Variants in FRMD3 observed in about 807,000 individuals in gnomAD.
The protein encoded by FRMD3 is FERM domain-containing protein 3.
A neutral mutation model predicts 70.2 loss-of-function variants in FRMD3; 33 were observed. That is an observed-to-expected ratio of 0.47 (90% CI 0.36 to 0.63). The LOEUF is 0.63. Among genes scored for constraint, FRMD3 ranks in the 20% least tolerant of loss-of-function variants. The pLI, the probability that FRMD3 is intolerant of heterozygous loss-of-function variation, is 0.00. For synonymous variants in FRMD3, 279 were observed against 255.9 expected, an observed-to-expected ratio of 1.09 and a Z score of -0.86; for missense variants, 632 against 711.4, an observed-to-expected ratio of 0.89 and a Z score of 1.27.
intron 5 of FRMD3, among the ~76,000 whole-genome samples, chr9:83,336,175 G>A (rs1391164672): frequency 2.0e-5 from 3 of 152,056 alleles, no homozygotes; most frequent in Non-Finnish European, 4.4e-5. Flanking sequence ...ATCCCTGAGA[G>A]GGTAGCTTTT....
intron 1 of FRMD3, among the ~76,000 whole-genome samples, chr9:83,403,260 A>G (rs751630558): frequency 1.3e-5 from 2 of 152,098 alleles, no homozygotes; most frequent in Non-Finnish European, 1.5e-5. Context: ...CCCATAAGGC[A>G]CTATCTTTTC....
intron 11 of FRMD3, 107 bp downstream of exon 11, chr9:83,299,005 T>TCAAA (rs1305409402): frequency 1.0e-6 from 1 of 981,812 alleles, no homozygotes; most frequent in African/African-American, 1.6e-5. Context: ...AATGGAAGAC[T>TCAAA]CAAACAGAGG....
chr9:83,550,298 G>T, the FRMD3 span, among the ~76,000 whole-genome samples: 1 of 151,984 alleles, frequency 6.6e-6, no homozygotes, highest in Non-Finnish European at 1.5e-5. Flanking sequence ...CTGTTCCATT[G>T]GTCTATGTCC....
intron 1 of FRMD3, among the ~76,000 whole-genome samples, chr9:83,523,321 GAATA>G (rs1354804409): frequency 6.6e-6 from 1 of 152,108 alleles, no homozygotes; most frequent in East Asian, 1.9e-4. Context: ...TTAGATGGAT[GAATA>G]GATAGATAGA....
chr9:83,420,159 C>T (rs982338333), intron 1 of FRMD3, among the ~76,000 whole-genome samples: 1 of 152,208 alleles, frequency 6.6e-6, no homozygotes. Flanking sequence ...CTCTGTTACC[C>T]TGTAAACTCT....
At chr9:83,464,706 T>C (rs895410040) in intron 1 of FRMD3, among the ~76,000 whole-genome samples, 1 of 152,080 alleles carries the variant, frequency 6.6e-6, no homozygotes, top group Admixed American at 6.6e-5. Context: ...CACTTGGACA[T>C]TTAAACTGGT....
At chr9:83,260,280 G>A (rs1832924897) in intron 13 of FRMD3, among the ~76,000 whole-genome samples, 1 of 152,152 alleles carries the variant, frequency 6.6e-6, no homozygotes, top group African/African-American at 2.4e-5. Flanking sequence ...GGCAAGTTAA[G>A]GTCACAAAAT....
In FRMD3 at chr9:83,311,107, C is replaced by T. The variant is rs1212582727; in HGVS notation, c.774-559G>A. Among the ~76,000 whole-genome samples, 5 of 152,256 alleles carry T rather than the reference C, an allele frequency of 3.3e-5. No individual in the cohort carries two copies. In the South Asian group the frequency reaches 6.2e-4, roughly 19 times the overall value. On this transcript the variant is annotated intron_variant, in intron 8 of 13. Coordinates refer to ENST00000304195, the MANE Select transcript of FRMD3 (RefSeq NM_174938.6). ...ACCCAATTCTGTCCAATTAGGTATACAGGAAGTCTCCTACAGGGCTTCTAA... is the reference window on the plus strand; with the variant it reads ...ACCCAATTCTGTCCAATTAGGTATATAGGAAGTCTCCTACAGGGCTTCTAA...
intron 1 of FRMD3, among the ~76,000 whole-genome samples, chr9:83,422,119 G>A (rs1051013266): frequency 1.3e-5 from 2 of 152,162 alleles, no homozygotes; most frequent in Non-Finnish European, 2.9e-5. Flanking sequence ...CAGCTACTCG[G>A]GAGGCTGAGG....
chr9:83,452,957 C>T (rs183181689), intron 1 of FRMD3, among the ~76,000 whole-genome samples: 23 of 147,504 alleles, frequency 1.6e-4, no homozygotes, highest in Non-Finnish European at 3.3e-4. Flanking sequence ...CAGGTTCAAG[C>T]GATTCTCTTG....
intron 5 of FRMD3, among the ~76,000 whole-genome samples, chr9:83,339,137 C>T (rs531401667): frequency 3.9e-5 from 6 of 152,238 alleles, no homozygotes; most frequent in African/African-American, 1.4e-4. Context: ...ATATTATAGA[C>T]TTGCAATGCT....
At chr9:83,396,609 G>A (rs1787520101) in intron 1 of FRMD3, among the ~76,000 whole-genome samples, 1 of 152,148 alleles carries the variant, frequency 6.6e-6, no homozygotes, top group Non-Finnish European at 1.5e-5. Flanking sequence ...AATACTTTAC[G>A]AGGGCTTCTG....
At chr9:83,446,555 G>A (rs1396405373) in intron 1 of FRMD3, among the ~76,000 whole-genome samples, 2 of 150,852 alleles carry the variant, frequency 1.3e-5, no homozygotes, top group Non-Finnish European at 2.9e-5. Flanking sequence ...GCTGAGGCAG[G>A]AGAATGGCGT....
At chr9:83,370,104 A>T (rs937999718) in intron 3 of FRMD3, among the ~76,000 whole-genome samples, 1 of 152,176 alleles carries the variant, frequency 6.6e-6, no homozygotes, top group Non-Finnish European at 1.5e-5. Context: ...ATCCTCTGTG[A>T]GTAAGAAACA....
the FRMD3 span, among the ~76,000 whole-genome samples, chr9:83,572,897 T>C: frequency 6.6e-6 from 1 of 152,218 alleles, no homozygotes; most frequent in Non-Finnish European, 1.5e-5. Flanking sequence ...ATTTATCTTT[T>C]CCTGTTATTG....
chr9:83,296,074 A>G (rs1159345590), intron 12 of FRMD3, among the ~76,000 whole-genome samples: 1 of 152,194 alleles, frequency 6.6e-6, no homozygotes, highest in African/African-American at 2.4e-5. Flanking sequence ...AAGTATTATC[A>G]CCACCATTGT....
At chr9:83,540,816 A>G (rs1437975936), upstream of FRMD3, among the ~76,000 whole-genome samples, 2 of 152,250 alleles carry the variant, frequency 1.3e-5, no homozygotes, top group Non-Finnish European at 2.9e-5. Flanking sequence ...CTCAAAGAAT[A>G]TCTTGTTAAT....
intron 12 of FRMD3, among the ~76,000 whole-genome samples, chr9:83,291,528 C>G (rs977848849): frequency 1.3e-5 from 2 of 152,092 alleles, no homozygotes; most frequent in African/African-American, 4.8e-5. Context: ...GTTTCCTTCC[C>G]CTGGAAGCCT....
At chr9:83,291,801 C>T (rs954657024) in intron 12 of FRMD3, among the ~76,000 whole-genome samples, 2 of 152,174 alleles carry the variant, frequency 1.3e-5, no homozygotes, top group African/African-American at 4.8e-5. Context: ...GCAATCCTGG[C>T]TTGACATATG....
Sources: gnomAD v4.1 joint callset for allele counts (sites outside exome capture counted in the v4.1 genomes callset) on GRCh38, gnomAD v4.1.1 for gene constraint, MANE v1.5 for transcripts, NCBI Gene and HGNC (gene_info 2026-07-23, HGNC 2026-07-21) for gene names.